Variants in MAGI2 observed in about 807,000 individuals in gnomAD.
MAGI2 encodes the protein membrane associated guanylate kinase, WW and PDZ domain containing 2.
MAGI2 carries 35 observed loss-of-function variants against 133.3 expected under a neutral mutation model. That is an observed-to-expected ratio of 0.26 (90% CI 0.20 to 0.35). The LOEUF is 0.35. MAGI2 is among the 10% of genes least tolerant of loss of function. MAGI2 has a pLI of 1.00. For synonymous variants in MAGI2, 729 were observed against 710.6 expected (o/e 1.03, Z -0.41); for missense variants, 1,636 against 1,863.4 (o/e 0.88, Z 2.25).
chr7:78,708,414 G>C (rs1177070717), intron 2 of MAGI2, among the ~76,000 whole-genome samples: 1 of 152,082 alleles, frequency 6.6e-6, no homozygotes, highest in Non-Finnish European at 1.5e-5. Flanking sequence ...GAATAATTCA[G>C]AGCCTTTTCT....
chr7:78,864,810 T>G (rs1441822106), intron 2 of MAGI2, among the ~76,000 whole-genome samples: 1 of 152,214 alleles, frequency 6.6e-6, no homozygotes. Flanking sequence ...TTTCCCTTAG[T>G]ACTTTTCAAA....
intron 1 of MAGI2, among the ~76,000 whole-genome samples, chr7:79,326,617 A>G (rs907221243): frequency 1.3e-5 from 2 of 152,056 alleles, no homozygotes; most frequent in East Asian, 3.9e-4. Context: ...CTTAGTAAAA[A>G]TATTAGTCAT....
chr7:78,083,222 ACT>A (rs1364062266), intron 20 of MAGI2, among the ~76,000 whole-genome samples: 1 of 151,816 alleles, frequency 6.6e-6, no homozygotes, highest in Non-Finnish European at 1.5e-5. Context: ...CTCTTTCTAT[ACT>A]CTCTCTGCCA....
At chr7:78,515,564 A>G (rs1795962879) in intron 4 of MAGI2, among the ~76,000 whole-genome samples, 1 of 152,178 alleles carries the variant, frequency 6.6e-6, no homozygotes, top group South Asian at 2.1e-4. Context: ...AAATATTTAA[A>G]GGTATATGCT....
intron 21 of MAGI2, among the ~76,000 whole-genome samples, chr7:78,059,169 T>G (rs1430439912): frequency 2.0e-5 from 3 of 152,172 alleles, no homozygotes; most frequent in African/African-American, 4.8e-5. Flanking sequence ...CTGGGGCATG[T>G]TAACAACAGC....
chr7:78,290,145 A>C (rs1462390887), intron 9 of MAGI2, among the ~76,000 whole-genome samples: 1 of 152,204 alleles, frequency 6.6e-6, no homozygotes, highest in Non-Finnish European at 1.5e-5. Flanking sequence ...CCCCAATTAA[A>C]AGACAGACTG....
chr7:79,434,747 T>C (rs1422071555), intron 1 of MAGI2, among the ~76,000 whole-genome samples: 1 of 152,196 alleles, frequency 6.6e-6, no homozygotes, highest in Non-Finnish European at 1.5e-5. Context: ...CGGTCAATCT[T>C]ATGTATTAAC....
At chr7:79,073,299 TG>T (rs1358575811) in intron 1 of MAGI2, among the ~76,000 whole-genome samples, 14 of 152,202 alleles carry the variant, frequency 9.2e-5, no homozygotes, top group Non-Finnish European at 1.6e-4. Context: ...GAAATTTATA[TG>T]TTGAAAAGGG....
At chr7:78,020,244 C>T (rs1032766120) in intron 21 of MAGI2, among the ~76,000 whole-genome samples, 1 of 152,230 alleles carries the variant, frequency 6.6e-6, no homozygotes, top group Non-Finnish European at 1.5e-5. Context: ...GGCCTAATCC[C>T]TTCGCCTTGG....
intron 3 of MAGI2, among the ~76,000 whole-genome samples, chr7:78,619,391 C>T (rs1807472693): frequency 6.6e-6 from 1 of 151,758 alleles, no homozygotes; most frequent in Non-Finnish European, 1.5e-5. Flanking sequence ...AATTATATTT[C>T]CTTCAGCTAC....
intron 1 of MAGI2, among the ~76,000 whole-genome samples, chr7:79,240,271 T>A (rs1832283045): frequency 6.7e-6 from 1 of 149,854 alleles, no homozygotes; most frequent in Admixed American, 6.7e-5. Context: ...GGAAACAGGA[T>A]CTGTGAAGGA....
At chr7:79,198,440 T>C (rs1828285231) in intron 1 of MAGI2, among the ~76,000 whole-genome samples, 1 of 151,952 alleles carries the variant, frequency 6.6e-6, no homozygotes, top group Non-Finnish European at 1.5e-5. Flanking sequence ...TCAATAGCAT[T>C]GTTGTTTCCA....
chr7:78,825,075 G>A (rs1413673160), intron 2 of MAGI2, among the ~76,000 whole-genome samples: 1 of 152,044 alleles, frequency 6.6e-6, no homozygotes, highest in African/African-American at 2.4e-5. Context: ...GGAGGGTGGG[G>A]GGCAAAGGGA....
intron 2 of MAGI2, among the ~76,000 whole-genome samples, chr7:78,990,587 T>C (rs1029504349): frequency 7.9e-5 from 12 of 152,100 alleles, no homozygotes; most frequent in African/African-American, 2.2e-4. Context: ...TGGAGGTTTT[T>C]CTGCCACTTA....
intron 1 of MAGI2, among the ~76,000 whole-genome samples, chr7:79,250,129 A>C (rs1362992526): frequency 6.6e-6 from 1 of 152,094 alleles, no homozygotes; most frequent in African/African-American, 2.4e-5. Flanking sequence ...CTGGGTATAG[A>C]AAAAACATAT....
intron 1 of MAGI2, among the ~76,000 whole-genome samples, chr7:79,043,067 G>A (rs1050532967): frequency 6.6e-6 from 1 of 151,826 alleles, no homozygotes; most frequent in Admixed American, 6.6e-5. Context: ...AGAATCTCTG[G>A]GACACAGCTA....
chr7:78,157,136 G>C (rs1824475456), intron 16 of MAGI2, among the ~76,000 whole-genome samples: 1 of 152,318 alleles, frequency 6.6e-6, no homozygotes, highest in South Asian at 2.1e-4. Context: ...GCTCCAGGAA[G>C]CTTTTAGGTG....
At chr7:78,193,350 G>A (rs1828415871) in intron 12 of MAGI2, among the ~76,000 whole-genome samples, 2 of 152,146 alleles carry the variant, frequency 1.3e-5, no homozygotes, top group South Asian at 4.1e-4. Context: ...TTAATCCTAT[G>A]CACTTCCAAC....
chr7:78,191,818 C>CT (rs920036325), intron 12 of MAGI2, among the ~76,000 whole-genome samples: 27 of 151,540 alleles, frequency 1.8e-4, no homozygotes, highest in African/African-American at 3.1e-4. Context: ...AAAATCACAG[C>CT]TTTTTTTTTC....
Sources: allele counts gnomAD v4.1 joint callset (sites outside exome capture counted in the v4.1 genomes callset), GRCh38; gene constraint gnomAD v4.1.1; transcripts MANE v1.5; gene names NCBI Gene and HGNC (gene_info 2026-07-23, HGNC 2026-07-21).